The following HLCS variants were observed in gnomAD, a reference collection of about 807,000 sequenced individuals.
The protein encoded by HLCS is biotin--protein ligase.
A neutral mutation model predicts 75.0 loss-of-function variants in HLCS; 53 were observed. The observed-to-expected ratio is 0.71, with a 90% CI of 0.57 to 0.89. The LOEUF (loss-of-function observed/expected upper bound fraction) is 0.89, where lower values mean the gene tolerates loss of function less well. HLCS is among the 40% of genes least tolerant of loss of function. The probability of loss-of-function intolerance (pLI) is 0.00; values close to 1 mark genes in which losing one functional copy is unlikely to be tolerated. For synonymous variants in HLCS, 431 were observed against 428.6 expected (o/e 1.01, Z -0.07); for missense variants, 966 against 1,074.0 (o/e 0.90, Z 1.41).
chr21:36,777,433 A>G (rs1440584028), intron 6 of HLCS, among the ~76,000 whole-genome samples: 1 of 152,276 alleles, frequency 6.6e-6, no homozygotes, highest in Non-Finnish European at 1.5e-5. Context: ...ACTCGGCCCA[A>G]GGGCCAAACT....
At chr21:36,835,978 C>T (rs142654981) in intron 6 of HLCS, among the ~76,000 whole-genome samples, 1,990 of 152,138 alleles carry the variant, frequency 0.013, 30 homozygotes, top group Non-Finnish European at 0.018. Context: ...ACCACCCTGC[C>T]CACAACTAAC....
At chr21:36,840,888 C>T (rs2062593847) in intron 6 of HLCS, among the ~76,000 whole-genome samples, 1 of 152,082 alleles carries the variant, frequency 6.6e-6, no homozygotes, top group South Asian at 2.1e-4. Context: ...GCTGGGATTA[C>T]AGGTGTGAGC....
intron 5 of HLCS, among the ~76,000 whole-genome samples, chr21:36,897,927 G>C (rs528838810): frequency 6.6e-6 from 1 of 152,106 alleles, no homozygotes; most frequent in Non-Finnish European, 1.5e-5. Context: ...ATCTCAAGAG[G>C]CCTGTACAAA....
At chr21:36,974,725 G>A (rs949388048) in intron 1 of HLCS, 1 of 152,174 alleles carries the variant, frequency 6.6e-6, no homozygotes, top group Non-Finnish European at 1.5e-5. Context: ...TGCACAGGGG[G>A]ACAATCCTGT....
intron 1 of HLCS, among the ~76,000 whole-genome samples, chr21:36,975,421 T>C (rs1195774843): frequency 6.6e-6 from 1 of 152,088 alleles, no homozygotes; most frequent in Non-Finnish European, 1.5e-5. Context: ...GCCCGTCCCC[T>C]GTTTCCCACG....
At chr21:36,825,765 A>G (rs1246431006) in intron 6 of HLCS, among the ~76,000 whole-genome samples, 1 of 152,222 alleles carries the variant, frequency 6.6e-6, no homozygotes, top group Admixed American at 6.5e-5. Context: ...CTCTGGGGAT[A>G]CAGCTTCTAG....
chr21:36,979,850 T>C (rs916872528), intron 1 of HLCS, among the ~76,000 whole-genome samples: 8 of 151,640 alleles, frequency 5.3e-5, no homozygotes, highest in African/African-American at 1.9e-4. Context: ...TGAACTCAAG[T>C]TCAAGACCAG....
At chr21:36,982,010 G>A (rs1327219987) in intron 1 of HLCS, among the ~76,000 whole-genome samples, 3 of 152,140 alleles carry the variant, frequency 2.0e-5, no homozygotes, top group Non-Finnish European at 4.4e-5. Flanking sequence ...AATTTCAAAT[G>A]AGACATCCTA....
intron 4 of HLCS, among the ~76,000 whole-genome samples, chr21:36,932,459 GA>G (rs1451108549): frequency 6.6e-6 from 1 of 152,156 alleles, no homozygotes; most frequent in African/African-American, 2.4e-5. Context: ...TCCCCTGATT[GA>G]ATTTTAAGAT....
chr21:36,827,573 CAAA>C (rs111359900), intron 6 of HLCS, among the ~76,000 whole-genome samples: 1 of 105,722 alleles, frequency 9.5e-6, no homozygotes. Flanking sequence ...GACTCCATCT[CAAA>C]AAAAAAAAAA....
chr21:36,939,512 A>G (rs2067044781), intron 2 of HLCS, among the ~76,000 whole-genome samples: 1 of 152,172 alleles, frequency 6.6e-6, no homozygotes, highest in Non-Finnish European at 1.5e-5. Flanking sequence ...AAGTCCAGGA[A>G]TCAGGATTTA....
intron 2 of HLCS, among the ~76,000 whole-genome samples, chr21:36,939,251 T>C (rs1317303276): frequency 6.6e-6 from 1 of 152,190 alleles, no homozygotes; most frequent in African/African-American, 2.4e-5. Context: ...TCTCCACCTT[T>C]TTAAGGAATT....
intron 2 of HLCS, among the ~76,000 whole-genome samples, chr21:36,945,772 T>G (rs1289252795): frequency 2.6e-5 from 4 of 152,232 alleles, no homozygotes; most frequent in African/African-American, 4.8e-5. Context: ...TACTAAAAAC[T>G]ACTGAATTGT....
chr21:36,889,994 G>A (rs947797191), intron 6 of HLCS, among the ~76,000 whole-genome samples: 1 of 152,120 alleles, frequency 6.6e-6, no homozygotes, highest in African/African-American at 2.4e-5. Flanking sequence ...GATCATGGGG[G>A]TTGTTTCTCC....
intron 2 of HLCS, chr21:36,947,448 G>T (rs3827190): frequency 1.0e-6 from 1 of 985,206 alleles, no homozygotes; most frequent in East Asian, 1.1e-4. Context: ...CTGATACGTC[G>T]TCCAGGGTGT....
chr21:36,782,581 C>T (rs79808164), intron 6 of HLCS, among the ~76,000 whole-genome samples: 8 of 152,040 alleles, frequency 5.3e-5, no homozygotes, highest in Admixed American at 2.0e-4. Flanking sequence ...TTCCACAAAA[C>T]GTGTTCCATG....
chr21:36,888,442 A>AT (rs2064584566), intron 6 of HLCS, among the ~76,000 whole-genome samples: 8 of 31,530 alleles, frequency 2.5e-4, no homozygotes, highest in Non-Finnish European at 4.8e-4. Context: ...TAAAAAAAAA[A>AT]AAAATATATA....
intron 2 of HLCS, among the ~76,000 whole-genome samples, chr21:36,960,678 T>A (rs2068243919): frequency 6.6e-6 from 1 of 152,186 alleles, no homozygotes; most frequent in Admixed American, 6.5e-5. Context: ...ATAATCTTCA[T>A]GAAATGGGAA....
intron 6 of HLCS, among the ~76,000 whole-genome samples, chr21:36,826,148 C>T (rs1165638144): frequency 6.6e-6 from 1 of 152,054 alleles, no homozygotes; most frequent in Non-Finnish European, 1.5e-5. Flanking sequence ...TTTTGTATTA[C>T]ACTGCACACT....
Sources: gnomAD v4.1 joint callset for allele counts (sites outside exome capture counted in the v4.1 genomes callset) on GRCh38, gnomAD v4.1.1 for gene constraint, MANE v1.5 for transcripts, NCBI Gene and HGNC (gene_info 2026-07-23, HGNC 2026-07-21) for gene names.